AHR: variants seen among roughly 807,000 people sequenced by gnomAD.
AHR encodes the protein AH-receptor.
A neutral mutation model predicts 86.8 loss-of-function variants in AHR; 40 were observed. That is an observed-to-expected ratio of 0.46 (90% CI 0.36 to 0.60). The LOEUF (loss-of-function observed/expected upper bound fraction) is 0.60, where lower values mean the gene tolerates loss of function less well. Ranked by LOEUF, AHR falls within the 20% of genes least tolerant of loss-of-function variation. The pLI is 0.00. For missense variants in AHR, 1,001 were observed against 1,011.6 expected (o/e 0.99, Z 0.14); for synonymous variants, 398 against 354.9 (o/e 1.12, Z -1.37).
intron 4 of AHR, among the ~76,000 whole-genome samples, chr7:17,328,994 A>G (rs962371192): frequency 3.3e-5 from 5 of 151,970 alleles, no homozygotes; most frequent in African/African-American, 1.2e-4. Context: ...AATGTATTAT[A>G]TAACTGTCTT....
chr7:17,305,718 C>A (rs1781998885), intron 1 of AHR, among the ~76,000 whole-genome samples: 1 of 151,134 alleles, frequency 6.6e-6, no homozygotes, highest in South Asian at 2.1e-4. Context: ...GAAACCATAT[C>A]TTTGCATGTC....
intron 3 of AHR, among the ~76,000 whole-genome samples, chr7:17,323,704 A>G (rs1429543397): frequency 6.6e-6 from 1 of 152,174 alleles, no homozygotes; most frequent in Non-Finnish European, 1.5e-5. Context: ...ATAATATAAC[A>G]TTTTTATTAC....
chr7:17,303,614 G>A (rs550582766), intron 1 of AHR, among the ~76,000 whole-genome samples: 2 of 151,886 alleles, frequency 1.3e-5, no homozygotes, highest in Non-Finnish European at 2.9e-5. Flanking sequence ...ATAATACTCT[G>A]TTGTACTAAT....
At chr7:17,319,294 C>T (rs1390138552) in intron 2 of AHR, among the ~76,000 whole-genome samples, 1 of 151,936 alleles carries the variant, frequency 6.6e-6, no homozygotes, top group Non-Finnish European at 1.5e-5. Context: ...TTATTTTAAT[C>T]CTCACAAGAA....
chr7:17,327,572 C>T (rs1782242097), intron 3 of AHR, among the ~76,000 whole-genome samples, 187 bp from the exon 4 acceptor site: 2 of 151,728 alleles, frequency 1.3e-5, no homozygotes, highest in African/African-American at 2.4e-5. Context: ...GCCATTTTTC[C>T]ATAGACAAAT....
rs754844060 is a variant in AHR, at chr7:17,299,344, C to T, written c.65+15C>T. ...GTGCAGAAAACGTGAGTGTCCCGAGCGCGTCCTCATCGCGGGGGCTGGGCG... is the reference window on the plus strand; with the variant it reads ...GTGCAGAAAACGTGAGTGTCCCGAGTGCGTCCTCATCGCGGGGGCTGGGCG... On this transcript the variant is annotated intron_variant, in intron 1 of 10. Transcript: ENST00000242057. 5.0e-6 allele frequency: 8 copies of T among 1,611,022 alleles called. No homozygotes were observed. The highest frequency in any genetic ancestry group is 1.7e-5 in the Admixed American group (1 of 59,826).
intron 1 of AHR, among the ~76,000 whole-genome samples, chr7:17,303,194 A>G (rs1474246260): frequency 1.3e-5 from 2 of 151,938 alleles, no homozygotes; most frequent in African/African-American, 4.8e-5. Flanking sequence ...TCTTTACATC[A>G]TTTTCTTCAT....
intron 2 of AHR, among the ~76,000 whole-genome samples, chr7:17,322,182 T>C (rs865943286): frequency 6.6e-6 from 1 of 151,974 alleles, no homozygotes; most frequent in African/African-American, 2.4e-5. Context: ...TTTGTAACAG[T>C]GTTGTGCAGT....
Position 17,333,094 on chromosome 7 carries a change from T to A in AHR, c.706-818T>A, listed in dbSNP as rs527792747. ...CCTAGGAACAAAAGGCTATACTGTA[T>A]AGCTTAGATGCGTAGTAAGCTATAC... On this transcript the variant is annotated intron_variant, in intron 6 of 10. Coordinates refer to ENST00000242057, the MANE Select transcript of AHR (RefSeq NM_001621.5). 1.6e-4 allele frequency among the ~76,000 whole-genome samples: 24 copies of A among 152,142 alleles called. No individual in the cohort carries two copies. The South Asian group carries it at 4.6e-3, about 29-fold the overall frequency.
chr7:17,310,245 G>A (rs765571857), intron 2 of AHR, 122 bp downstream of exon 2: 71 of 972,412 alleles, frequency 7.3e-5, no homozygotes, highest in Non-Finnish European at 1.0e-4. Context: ...TTGCTGTATA[G>A]TAAAATTTCA....
In AHR at chr7:17,299,216, A is replaced by T; in HGVS notation, c.-49A>T. 1.3e-6 allele frequency: 2 copies of T among 1,592,896 alleles called. No individual in the cohort carries two copies. Among genetic ancestry groups the T allele is most frequent in the Non-Finnish European group, 1.7e-6 (2 of 1,172,060 alleles). ...TCCCAGCCTACACCGGGTTCCGGGG[A>T]CCCGGCCGCCAGTGCCCGGGGAGTA... On this transcript the variant is annotated 5_prime_UTR_variant, in exon 1 of 11. Coordinates refer to ENST00000242057, the MANE Select transcript of AHR (RefSeq NM_001621.5).
In AHR at chr7:17,343,666, T is replaced by C. The variant is rs1465389147; in HGVS notation, c.*602T>C. 2 of 152,366 alleles carry C rather than the reference T, an allele frequency of 1.3e-5. No homozygotes were observed. The highest frequency in any genetic ancestry group is 6.5e-5 in the Admixed American group (1 of 15,268). 9.4% of individuals were successfully genotyped at this position (152,366 alleles called of 1,614,324 possible). On this transcript the variant is annotated 3_prime_UTR_variant, in exon 11 of 11. Transcript: ENST00000242057. ...AGGATGTATATTTTATATAAAGTATTCTTTTTCTTTTTTAAATTAATATCT... is the reference window on the plus strand; with the variant it reads ...AGGATGTATATTTTATATAAAGTATCCTTTTTCTTTTTTAAATTAATATCT...
At chr7:17,324,122 A>G (rs868065348) in intron 3 of AHR, among the ~76,000 whole-genome samples, 9 of 152,238 alleles carry the variant, frequency 5.9e-5, no homozygotes, top group Admixed American at 5.2e-4. Flanking sequence ...CTATAATTAT[A>G]TGGAATATAT....
intron 9 of AHR, 138 bp downstream of exon 9, chr7:17,335,924 C>A: frequency 1.2e-6 from 1 of 830,000 alleles, no homozygotes; most frequent in Non-Finnish European, 1.8e-6. Context: ...AAGAAGAGCA[C>A]AGGTGAGAGA....
intron 2 of AHR, among the ~76,000 whole-genome samples, chr7:17,310,749 T>C (rs913237145): frequency 2.6e-5 from 4 of 152,146 alleles, no homozygotes; most frequent in African/African-American, 9.7e-5. Context: ...TTGGCCAGGC[T>C]GCTCTCAAAC....
At chr7:17,313,815 G>C (rs1344366761) in intron 2 of AHR, among the ~76,000 whole-genome samples, 1 of 152,060 alleles carries the variant, frequency 6.6e-6, no homozygotes, top group African/African-American at 2.4e-5. Context: ...ATCAATAATA[G>C]TTTATTAATA....
rs999170658 is a variant in AHR at position 17,344,595 on chromosome 7, T to C, written c.*1531T>C. ...CCCTACCAACTTTACTGTCCTAACA[T>C]GGTTTAAAAGAAAAAATGACACCAT... On this transcript the variant is annotated 3_prime_UTR_variant, in exon 11 of 11. Coordinates refer to ENST00000242057, the MANE Select transcript of AHR (RefSeq NM_001621.5). The C allele has an allele frequency of 6.6e-5, 10 of 151,816 alleles. No individual in the cohort carries two copies. Among genetic ancestry groups the C allele is most frequent in the African/African-American group, 2.4e-4 (10 of 41,286 alleles). The allele number at this position is 151,816 out of a possible 1,614,324, so 9.4% of individuals were successfully genotyped here.
Position 17,333,974 on chromosome 7 carries a change from A to G in AHR, c.768A>G (p.Gly256=). 1 of 1,613,560 alleles carries G rather than the reference A, an allele frequency of 6.2e-7. No homozygotes were observed. The change falls in exon 7 of 11, where the codon GGA becomes GGG. Residue 256 remains glycine (G), a synonymous_variant. Transcript: ENST00000242057. ...GACAGAAAAAGAAAGGGAAAGATGG[A>G]TCAATACTTCCACCTCAGTTGGCTT... is the stretch of plus-strand genomic sequence containing the variant. ...LHGQKKKGKD[G]SILPPQLALF... is the part of the protein sequence containing the mutation.
At chr7:17,319,095 AATC>A (rs1405087751) in intron 2 of AHR, among the ~76,000 whole-genome samples, 1 of 152,112 alleles carries the variant, frequency 6.6e-6, no homozygotes, top group Non-Finnish European at 1.5e-5. Context: ...TTACCATAGT[AATC>A]CTATTAGATA....
Sources: gnomAD v4.1 joint callset for allele counts (sites outside exome capture counted in the v4.1 genomes callset) on GRCh38, gnomAD v4.1.1 for gene constraint, MANE v1.5 for transcripts, NCBI Gene and HGNC (gene_info 2026-07-23, HGNC 2026-07-21) for gene names.